RBP3: variants seen among roughly 807,000 people sequenced by gnomAD.
RBP3 encodes the protein retinol-binding protein 3.
In RBP3, 50 loss-of-function variants were observed where a neutral mutation model predicts 64.8. The ratio of observed to expected loss-of-function variants is 0.77; its 90% CI spans 0.61 to 0.98. RBP3 has a LOEUF of 0.98. Among genes scored for constraint, RBP3 ranks in the 50% least tolerant of loss-of-function variants. The probability of loss-of-function intolerance (pLI) is 0.00; values close to 1 mark genes in which losing one functional copy is unlikely to be tolerated. For synonymous variants in RBP3, 828 were observed against 730.2 expected, an observed-to-expected ratio of 1.13 and a Z score of -2.16; for missense variants, 1,712 against 1,660.5, an observed-to-expected ratio of 1.03 and a Z score of -0.54.
At chr10:47,354,291 C>T (rs1285671710) in intron 2 of RBP3, among the ~76,000 whole-genome samples, 1 of 152,178 alleles carries the variant, frequency 6.6e-6, no homozygotes, top group Non-Finnish European at 1.5e-5. Context: ...CCTCCCTGGG[C>T]AGGTTGCCTT....
At position 47,350,228 on chromosome 10, in the gene RBP3, C is replaced by A. The variant is rs1555211297; in HGVS notation, c.1744C>A (p.Leu582Met). The A allele has an allele frequency of 6.2e-7, 1 of 1,608,558 alleles. No individual in the cohort carries two copies. The highest frequency in any genetic ancestry group is 8.5e-7 in the Non-Finnish European group (1 of 1,179,934). ...NLLHTRTVPL[L>M]DTPEGSLALT... ...GCTGCACACCCGCACGGTGCCGCTGCTGGACACACCCGAAGGCAGCCTCGC... is the reference window on the plus strand; with the variant it reads ...GCTGCACACCCGCACGGTGCCGCTGATGGACACACCCGAAGGCAGCCTCGC... Residue 582 changes from leucine (L) to methionine (M), a missense_variant, in exon 1 of 4, where the codon CTG (leucine) becomes ATG (methionine). By Grantham distance (15) the Leu-to-Met change is conservative. Coordinates refer to ENST00000584701, the MANE Select transcript of RBP3 (RefSeq NM_002900.3).
Position 47,357,789 on chromosome 10 carries a change from C to A in RBP3, c.*332C>A, listed in dbSNP as rs990102207. On this transcript the variant is annotated 3_prime_UTR_variant, in exon 4 of 4. Coordinates refer to ENST00000584701, the MANE Select transcript of RBP3 (RefSeq NM_002900.3). ...TTTTTCTTAAATACTCATTAATGTG[C>A]ATATATCATTATTTTCAGATGCAGC... 1 of 205,098 alleles carries A rather than the reference C, an allele frequency of 4.9e-6. No homozygotes were observed. Among genetic ancestry groups the A allele is most frequent in the East Asian group, 1.1e-4 (1 of 9,240 alleles). 12.7% of individuals were successfully genotyped at this position (205,098 alleles called of 1,614,324 possible).
intron 3 of RBP3, among the ~76,000 whole-genome samples, 160 bp downstream of exon 3, chr10:47,355,678 A>G (rs1837037321): frequency 6.6e-6 from 1 of 152,178 alleles, no homozygotes; most frequent in Non-Finnish European, 1.5e-5. Flanking sequence ...CCTGAAAAGC[A>G]TGTATCACTA....
In RBP3 at chr10:47,350,837, A is replaced by AAT; in HGVS notation, c.2354_2355insTA (p.Pro786ThrfsTer59). On this transcript the variant is annotated frameshift_variant, in exon 1 of 4. Transcript: ENST00000584701. LOFTEE classifies it high-confidence loss of function. ...TGCGCTGGTGATCGACCTGCGCTAC[A>AAT]ACCCTGGCAGCTACTCCACGGCCAT... The AAT allele has an allele frequency of 6.2e-7, 1 of 1,613,052 alleles. No individual in the cohort carries two copies. The highest frequency in any genetic ancestry group is 8.5e-7 in the Non-Finnish European group (1 of 1,180,022).
chr10:47,349,302 A>G lies in RBP3; in HGVS notation c.818A>G (p.Glu273Gly). ...GACCTCCGGAAGCTGAGGATAGGCG[A>G]GTCTGACTTCTTCTTCACGGTGCCC... is the stretch of plus-strand genomic sequence containing the variant. Reference protein sequence around the residue: ...ALDLRKLRIGESDFFFTVPVS... With the variant: ...ALDLRKLRIGGSDFFFTVPVS... The change falls in exon 1 of 4, where the codon GAG becomes GGG. Residue 273 changes from glutamate (E) to glycine (G), a missense_variant. By Grantham distance (98) the Glu-to-Gly change is moderately conservative (BLOSUM62 -2). Transcript: ENST00000584701. The G allele has an allele frequency of 6.2e-7, 1 of 1,612,852 alleles. No individual in the cohort carries two copies. The highest frequency in any genetic ancestry group is 8.5e-7 in the Non-Finnish European group (1 of 1,179,974).
At chr10:47,354,763 G>A (rs1049659621) in intron 2 of RBP3, among the ~76,000 whole-genome samples, 7 of 152,192 alleles carry the variant, frequency 4.6e-5, no homozygotes, top group Non-Finnish European at 1.5e-5. Flanking sequence ...CAGGCCATCA[G>A]TTGGACGAGG....
At position 47,357,609 on chromosome 10, in the gene RBP3, TAC is replaced by T. The variant is rs111452762; in HGVS notation, c.*164_*165del. On this transcript the variant is annotated 3_prime_UTR_variant, in exon 4 of 4. Coordinates refer to ENST00000584701, the MANE Select transcript of RBP3 (RefSeq NM_002900.3). Reference sequence around the variant, plus strand: ...GGTTACAGCTGGAGGTGTGTATATATACACACACACACATGTATATACACATA... The same window carrying T: ...GGTTACAGCTGGAGGTGTGTATATATACACACACACATGTATATACACATA... 1.1e-4 allele frequency: 65 copies of T among 613,320 alleles called. No individual in the cohort carries two copies. Among genetic ancestry groups the T allele is most frequent in the Admixed American group, 1.7e-4 (6 of 34,882 alleles). The allele number at this position is 613,320 out of a possible 1,614,324, so 38.0% of individuals were successfully genotyped here. A position where few individuals can be genotyped will look rare whatever the true frequency, so the allele number is the denominator to read the frequency against.
Position 47,349,718 on chromosome 10 carries a change from G to A in RBP3, c.1234G>A (p.Ala412Thr). 2 of 1,612,068 alleles carry A rather than the reference G, an allele frequency of 1.2e-6. No homozygotes were observed. Among genetic ancestry groups the A allele is most frequent in the Non-Finnish European group, 1.7e-6 (2 of 1,180,002 alleles). Residue 412 changes from alanine to threonine, a missense_variant, in exon 1 of 4, where the codon GCC becomes ACC. Coordinates refer to ENST00000584701, the MANE Select transcript of RBP3 (RefSeq NM_002900.3). Reference protein sequence around the residue: ...DAAAEDSPGVAPELPEDEAIR... With the variant: ...DAAAEDSPGVTPELPEDEAIR... Reference sequence around the variant, plus strand: ...TGCAGCCGAAGACTCACCAGGGGTGGCCCCAGAGTTGCCTGAGGACGAGGC... The same window carrying A: ...TGCAGCCGAAGACTCACCAGGGGTGACCCCAGAGTTGCCTGAGGACGAGGC...
At chr10:47,352,033 C>T (rs1565767421) in intron 1 of RBP3, among the ~76,000 whole-genome samples, 1 of 152,230 alleles carries the variant, frequency 6.6e-6, no homozygotes, top group African/African-American at 2.4e-5. Flanking sequence ...GCACTCACAC[C>T]TCCACACTGT....
At position 47,348,843 on chromosome 10, in the gene RBP3, G is replaced by A. The variant is rs782782188; in HGVS notation, c.359G>A (p.Gly120Asp). ...GAACTGCTTGCCTGGCTGCAAAGGG[G>A]CCTCCGCCATGAGGTTCTGGAGGGT... ...EEELLAWLQR[G>D]LRHEVLEGNV... The change falls in exon 1 of 4, where the codon GGC becomes GAC. Residue 120 changes from glycine (G) to aspartate (D), a missense_variant. Coordinates refer to ENST00000584701, the MANE Select transcript of RBP3 (RefSeq NM_002900.3). 6.2e-7 allele frequency: 1 copy of A among 1,613,920 alleles called. No homozygotes were observed. The highest frequency in any genetic ancestry group is 1.7e-5 in the Admixed American group (1 of 60,030).
chr10:47,348,445 G>T lies in RBP3; in HGVS notation c.-40G>T. 1 of 1,594,012 alleles carries T rather than the reference G, an allele frequency of 6.3e-7. No individual in the cohort carries two copies. Among genetic ancestry groups the T allele is most frequent in the Non-Finnish European group, 8.5e-7 (1 of 1,177,256 alleles). On this transcript the variant is annotated 5_prime_UTR_variant, in exon 1 of 4. Coordinates refer to ENST00000584701, the MANE Select transcript of RBP3 (RefSeq NM_002900.3). ...GGCCACGGCCTTGCACACAGTCCAGGGAGCTTTTGTGCAGGAGCCAGGCCT... is the reference window on the plus strand; with the variant it reads ...GGCCACGGCCTTGCACACAGTCCAGTGAGCTTTTGTGCAGGAGCCAGGCCT...
chr10:47,357,152 A>C lies in RBP3; in HGVS notation c.3439A>C (p.Thr1147Pro). Reference protein sequence around the residue: ...KSMVILTSSVTAGTAEEFTYI... With the variant: ...KSMVILTSSVPAGTAEEFTYI... Reference sequence around the variant, plus strand: ...CATGGTCATTCTGACCAGCAGTGTGACGGCCGGCACCGCGGAGGAGTTCAC... The same window carrying C: ...CATGGTCATTCTGACCAGCAGTGTGCCGGCCGGCACCGCGGAGGAGTTCAC... Residue 1147 changes from threonine to proline, a missense_variant, in exon 4 of 4, where the codon ACG (threonine) becomes CCG (proline). Transcript: ENST00000584701. 1 of 1,613,306 alleles carries C rather than the reference A, an allele frequency of 6.2e-7. No individual in the cohort carries two copies.
chr10:47,350,283 A>G lies in RBP3; in HGVS notation c.1799A>G (p.Asp600Gly). The change falls in exon 1 of 4, where the codon GAC (aspartate) becomes GGC (glycine). Residue 600 changes from aspartate (D) to glycine (G), a missense_variant. By Grantham distance (94) the Asp-to-Gly change is moderately conservative. Coordinates refer to ENST00000584701, the MANE Select transcript of RBP3 (RefSeq NM_002900.3). ...ACCGTGCCGGTCCTCACCTTCATCG[A>G]CAATCACGGCGAGGCCTGGCTGGGT... ...ALTVPVLTFI[D>G]NHGEAWLGGG... 6.2e-7 allele frequency: 1 copy of G among 1,608,732 alleles called. No homozygotes were observed.
chr10:47,349,804 C>A lies in RBP3; in HGVS notation c.1320C>A (p.Gly440=). 1 of 1,613,266 alleles carries A rather than the reference C, an allele frequency of 6.2e-7. No individual in the cohort carries two copies. Among genetic ancestry groups the A allele is most frequent in the Non-Finnish European group, 8.5e-7 (1 of 1,180,036 alleles). ...FQVSVLPGNV[G]YLRFDSFADA... ...TGTCGGTGCTGCCAGGCAATGTGGG[C>A]TACCTGCGCTTCGATAGTTTTGCTG... Residue 440 remains glycine (G), a synonymous_variant, in exon 1 of 4, where the codon GGC becomes GGA. Coordinates refer to ENST00000584701, the MANE Select transcript of RBP3 (RefSeq NM_002900.3).
At chr10:47,352,061 G>A (rs1044074542) in intron 1 of RBP3, among the ~76,000 whole-genome samples, 1 of 152,236 alleles carries the variant, frequency 6.6e-6, no homozygotes, top group Non-Finnish European at 1.5e-5. Context: ...GTGGTCTGCT[G>A]CATCGTCACA....
chr10:47,353,355 A>G lies in RBP3; in HGVS notation c.3085A>G (p.Ile1029Val), dbSNP rs149900201. ...TTCCCCTGAAGTATTTGAAGAGCTGATCAAGTTTTCCTTCCACACTAACGT... is the reference window on the plus strand; with the variant it reads ...TTCCCCTGAAGTATTTGAAGAGCTGGTCAAGTTTTCCTTCCACACTAACGT... ...IPSPEVFEEL[I>V]KFSFHTNVLE... Residue 1029 changes from isoleucine to valine, a missense_variant, in exon 2 of 4, where the codon ATC becomes GTC. By Grantham distance (29) the Ile-to-Val change is conservative. Coordinates refer to ENST00000584701, the MANE Select transcript of RBP3 (RefSeq NM_002900.3). The G allele has an allele frequency of 2.2e-5, 35 of 1,613,976 alleles. No homozygotes were observed. Among genetic ancestry groups the G allele is most frequent in the African/African-American group, 2.7e-5 (2 of 74,940 alleles).
Position 47,349,616 on chromosome 10 carries a change from G to A in RBP3, c.1132G>A (p.Ala378Thr). The A allele has an allele frequency of 1.9e-6, 3 of 1,612,752 alleles. No homozygotes were observed. The highest frequency in any genetic ancestry group is 2.5e-6 in the Non-Finnish European group (3 of 1,180,010). The change falls in exon 1 of 4, where the codon GCT becomes ACT. Residue 378 changes from alanine (A) to threonine (T), a missense_variant. Coordinates refer to ENST00000584701, the MANE Select transcript of RBP3 (RefSeq NM_002900.3). ...LVTKLNAGLQ[A>T]ASEDPRLLVR... ...CACCAAGCTCAATGCCGGCCTGCAG[G>A]CTGCGTCTGAGGATCCCAGGCTCCT... is the stretch of plus-strand genomic sequence containing the variant.
At position 47,348,675 on chromosome 10, in the gene RBP3, T is replaced by A. The variant is rs1457054321; in HGVS notation, c.191T>A (p.Ile64Asn). 3 of 1,613,540 alleles carry A rather than the reference T, an allele frequency of 1.9e-6. No homozygotes were observed. The East Asian group carries it at 6.7e-5, about 36-fold the overall frequency. Reference sequence around the variant, plus strand: ...ATCAAGAGCCATGAGATTCTGAGCATCTCAGACCCGCAGACGCTGGCCAGT... The same window carrying A: ...ATCAAGAGCCATGAGATTCTGAGCAACTCAGACCCGCAGACGCTGGCCAGT... ...QAIKSHEILS[I>N]SDPQTLASVL... Residue 64 changes from isoleucine to asparagine, a missense_variant, in exon 1 of 4, where the codon ATC becomes AAC. Physicochemically the swap from Ile to Asn is moderately radical, Grantham distance 149. Transcript: ENST00000584701.
At chr10:47,356,574 T>C (rs1337938661) in intron 3 of RBP3, among the ~76,000 whole-genome samples, 1 of 152,244 alleles carries the variant, frequency 6.6e-6, no homozygotes, top group African/African-American at 2.4e-5. Flanking sequence ...TTTGGATACA[T>C]TGGCTTAAAC....
Sources: gnomAD v4.1 joint callset for allele counts (sites outside exome capture counted in the v4.1 genomes callset) on GRCh38, gnomAD v4.1.1 for gene constraint, MANE v1.5 for transcripts, NCBI Gene and HGNC (gene_info 2026-07-23, HGNC 2026-07-21) for gene names.